Variants in SUGCT observed in about 807,000 individuals in gnomAD.
SUGCT encodes the protein succinyl-CoA:glutarate CoA-transferase.
SUGCT carries 41 observed loss-of-function variants against 55.0 expected under a neutral mutation model. The observed-to-expected ratio is 0.74, with a 90% CI of 0.58 to 0.97. SUGCT has a LOEUF of 0.97. SUGCT is among the 50% of genes least tolerant of loss of function. The probability of loss-of-function intolerance (pLI) is 0.00; values close to 1 mark genes in which losing one functional copy is unlikely to be tolerated. For missense variants in SUGCT, 568 were observed against 547.8 expected, an observed-to-expected ratio of 1.04 and a Z score of -0.37; for synonymous variants, 187 against 200.4, an observed-to-expected ratio of 0.93 and a Z score of 0.56.
At chr7:40,632,563 G>A (rs573411305) in intron 12 of SUGCT, among the ~76,000 whole-genome samples, 1 of 148,268 alleles carries the variant, frequency 6.7e-6, no homozygotes, top group East Asian at 2.0e-4. Context: ...GGAGTTACCC[G>A]ACCAGTTTCT....
chr7:41,010,410 C>T, the SUGCT span, among the ~76,000 whole-genome samples: 1 of 152,178 alleles, frequency 6.6e-6, no homozygotes, highest in Non-Finnish European at 1.5e-5. Flanking sequence ...GTTTGGGAAA[C>T]ATTTCTAGGA....
intron 1 of SUGCT, among the ~76,000 whole-genome samples, chr7:40,158,474 A>G (rs2150633728): frequency 6.6e-6 from 1 of 152,072 alleles, no homozygotes; most frequent in Non-Finnish European, 1.5e-5. Flanking sequence ...AATATGGCTG[A>G]GTGTGGTGGC....
chr7:40,835,484 A>G (rs1792914766), intron 13 of SUGCT, among the ~76,000 whole-genome samples: 1 of 152,162 alleles, frequency 6.6e-6, no homozygotes, highest in Non-Finnish European at 1.5e-5. Flanking sequence ...GACTACAGAA[A>G]TTAAGTTCTG....
rs146441072 is a variant in SUGCT, at chr7:40,697,375, C to G, written c.1090-52059C>G. ...CTGGGCCAGGTGCAGTGGCTCATGC[C>G]TGTAATCCCAGCACTTTGGGAGGCT... On this transcript the variant is annotated intron_variant, in intron 12 of 13. Coordinates refer to ENST00000335693, the MANE Select transcript of SUGCT (RefSeq NM_001193313.2). Among the ~76,000 whole-genome samples the G allele has an allele frequency of 5.1e-3, 772 of 152,246 alleles. 3 individuals are homozygous for G. Among genetic ancestry groups the G allele is most frequent in the African/African-American group, 0.017 (709 of 41,538 alleles).
intron 13 of SUGCT, among the ~76,000 whole-genome samples, chr7:40,800,798 A>G (rs982784885): frequency 3.3e-5 from 5 of 152,196 alleles, no homozygotes; most frequent in African/African-American, 1.2e-4. Context: ...ATAATCATAA[A>G]GTGTCTACTA....
In SUGCT at chr7:40,316,861, A is replaced by C. The variant is rs766508130; in HGVS notation, c.816+6A>C. On this transcript the variant is annotated splice_donor_region_variant and intron_variant, in intron 9 of 13. Transcript: ENST00000335693. ...GCAGTATCGTTCCTTACCAGGTAAGACTACAGCAGTCTAGGGTTGGGCTGT... is the reference window on the plus strand; with the variant it reads ...GCAGTATCGTTCCTTACCAGGTAAGCCTACAGCAGTCTAGGGTTGGGCTGT... The C allele has an allele frequency of 3.3e-6, 5 of 1,532,024 alleles. No individual in the cohort carries two copies. The allele number at this position is 1,532,024 out of a possible 1,614,324, so 94.9% of individuals were successfully genotyped here. A position where few individuals can be genotyped will look rare whatever the true frequency, so the allele number is the denominator to read the frequency against.
At chr7:40,268,000 A>C (rs1791720469) in intron 7 of SUGCT, among the ~76,000 whole-genome samples, 1 of 152,162 alleles carries the variant, frequency 6.6e-6, no homozygotes, top group Non-Finnish European at 1.5e-5. Context: ...TTTTTACTAA[A>C]TACATGATTT....
intron 13 of SUGCT, among the ~76,000 whole-genome samples, chr7:40,799,307 G>A (rs1393195239): frequency 6.6e-6 from 1 of 152,064 alleles, no homozygotes; most frequent in Non-Finnish European, 1.5e-5. Flanking sequence ...AAGGTTATTG[G>A]AAAATTTTGA....
intron 13 of SUGCT, among the ~76,000 whole-genome samples, chr7:40,790,568 C>T (rs1247747127): frequency 6.6e-6 from 1 of 152,042 alleles, no homozygotes; most frequent in African/African-American, 2.4e-5. Flanking sequence ...GAAATAATTC[C>T]AACAGATAAT....
At chr7:40,659,602 T>C (rs1215285141) in intron 12 of SUGCT, among the ~76,000 whole-genome samples, 1 of 152,202 alleles carries the variant, frequency 6.6e-6, no homozygotes, top group African/African-American at 2.4e-5. Flanking sequence ...TACACAGATA[T>C]ATGAATACCA....
At chr7:40,441,780 C>T (rs1788527874) in intron 9 of SUGCT, among the ~76,000 whole-genome samples, 1 of 152,114 alleles carries the variant, frequency 6.6e-6, no homozygotes. Context: ...GGAGACATTT[C>T]TCAAGTCAGC....
chr7:40,281,804 G>A (rs1181351957), intron 8 of SUGCT, among the ~76,000 whole-genome samples: 2 of 149,454 alleles, frequency 1.3e-5, no homozygotes, highest in East Asian at 4.1e-4. Context: ...ACAGGCAATT[G>A]ATTTTTTGTT....
intron 12 of SUGCT, among the ~76,000 whole-genome samples, chr7:40,544,154 C>T (rs1401882406): frequency 4.2e-5 from 6 of 143,392 alleles, no homozygotes; most frequent in Non-Finnish European, 9.1e-5. Flanking sequence ...TTTTTTAGGG[C>T]AGTTTCTGTA....
chr7:41,000,374 C>G, the SUGCT span, among the ~76,000 whole-genome samples: 1 of 152,022 alleles, frequency 6.6e-6, no homozygotes, highest in Admixed American at 6.6e-5. Flanking sequence ...TATCCATATC[C>G]CAAATGTTTT....
At chr7:40,414,409 T>C (rs1786855994) in intron 9 of SUGCT, among the ~76,000 whole-genome samples, 1 of 152,110 alleles carries the variant, frequency 6.6e-6, no homozygotes, top group Non-Finnish European at 1.5e-5. Context: ...ACATAGTATA[T>C]ATAGGGCTCA....
At chr7:40,683,940 C>A in intron 12 of SUGCT, 1 of 1,460,262 alleles carries the variant, frequency 6.8e-7, no homozygotes. Context: ...AGATGTATTC[C>A]TTTCTGGAGG....
intron 7 of SUGCT, among the ~76,000 whole-genome samples, chr7:40,240,017 G>C (rs1012499500): frequency 2.0e-5 from 3 of 152,078 alleles, no homozygotes; most frequent in African/African-American, 4.8e-5. Context: ...CTGTTAAGTA[G>C]GGAAAACAAA....
intron 1 of SUGCT, among the ~76,000 whole-genome samples, chr7:40,150,971 TTACGACTG>T (rs1229361355): frequency 2.0e-5 from 3 of 151,854 alleles, no homozygotes; most frequent in African/African-American, 7.3e-5. Context: ...GCACTGTGGT[TTACGACTG>T]TAATCCCAGC....
intron 12 of SUGCT, among the ~76,000 whole-genome samples, chr7:40,717,561 G>C (rs1786088279): frequency 6.6e-6 from 1 of 152,220 alleles, no homozygotes; most frequent in South Asian, 2.1e-4. Context: ...ACACTTGTGG[G>C]GAAGGTTGGA....
Sources: allele counts gnomAD v4.1 joint callset (sites outside exome capture counted in the v4.1 genomes callset), GRCh38; gene constraint gnomAD v4.1.1; transcripts MANE v1.5; gene names NCBI Gene and HGNC (gene_info 2026-07-23, HGNC 2026-07-21).